IL17RC: variants seen among roughly 807,000 people sequenced by gnomAD.
IL17RC encodes interleukin 17 receptor C.
Under a neutral mutation model 86.7 loss-of-function variants are expected in IL17RC, and 53 were observed. That is an observed-to-expected ratio of 0.61 (90% CI 0.49 to 0.77). The LOEUF (loss-of-function observed/expected upper bound fraction) is 0.77. IL17RC is among the 30% of genes least tolerant of loss of function. The probability of loss-of-function intolerance (pLI) is 0.00; values close to 1 mark genes in which losing one functional copy is unlikely to be tolerated. For missense variants in IL17RC, 957 were observed against 940.0 expected (o/e 1.02, Z -0.24); for synonymous variants, 439 against 413.1 (o/e 1.06, Z -0.76).
Position 9,928,384 on chromosome 3 carries a change from G to A in IL17RC, c.957G>A (p.Pro319=), listed in dbSNP as rs200216570. 153 of 1,604,870 alleles carry A rather than the reference G, an allele frequency of 9.5e-5. No homozygotes were observed. In the East Asian group the frequency reaches 1.9e-3, roughly 20 times the overall value. The change falls in exon 11 of 19, where the codon CCG becomes CCA. Residue 319 remains proline, a synonymous_variant. Coordinates refer to ENST00000403601, the MANE Select transcript of IL17RC (RefSeq NM_153460.4). ...TGCAGAGCTGGCTGCTGGACGCACCGTGCTCGCTGCCCGCAGAAGCGGCAC... is the reference window on the plus strand; with the variant it reads ...TGCAGAGCTGGCTGCTGGACGCACCATGCTCGCTGCCCGCAGAAGCGGCAC... ...LTLQSWLLDA[P]CSLPAEAALC... is the part of the protein sequence containing the mutation.
chr3:9,928,209 C>G lies in IL17RC; in HGVS notation c.866C>G (p.Pro289Arg). The change falls in exon 10 of 19, where the codon CCC becomes CGC. Residue 289 changes from proline to arginine, a missense_variant. Physicochemically the swap from Pro to Arg is moderately radical, Grantham distance 103 (BLOSUM62 -2). Transcript: ENST00000403601. ...GACTCCGTTAGGACGAACATCTGCC[C>G]CTTCAGGGAGGGTGAGCCGACCGGC... is the stretch of plus-strand genomic sequence containing the variant. The part of the protein sequence containing the change: ...EPDSVRTNIC[P>R]FREDPRAHQN... 2 of 1,613,482 alleles carry G rather than the reference C, an allele frequency of 1.2e-6. No homozygotes were observed. The highest frequency in any genetic ancestry group is 1.7e-6 in the Non-Finnish European group (2 of 1,179,974).
In IL17RC at chr3:9,933,419, G is replaced by A. The variant is rs2084987240; in HGVS notation, c.1989G>A (p.Leu663=). 6.2e-7 allele frequency: 1 copy of A among 1,613,068 alleles called. No individual in the cohort carries two copies. The highest frequency in any genetic ancestry group is 1.3e-5 in the African/African-American group (1 of 74,922). ...FTLPSQLPDF[L]GALQQPRAPR... The stretch of plus-strand genomic sequence containing the variant: ...TGCCCTCCCAACTGCCAGACTTCCT[G>A]GGGGCCCTGCAGCAGCCTCGCGCCC... Residue 663 remains leucine (L), a synonymous_variant, in exon 19 of 19, where the codon CTG becomes CTA. Transcript: ENST00000403601.
chr3:9,925,217 G>A (rs942947725), intron 9 of IL17RC, among the ~76,000 whole-genome samples: 9 of 29,082 alleles, frequency 3.1e-4, no homozygotes, highest in Admixed American at 1.1e-3. Context: ...CTGGGTTCAC[G>A]CCATTCTCCT....
Position 9,917,357 on chromosome 3 carries a change from A to C in IL17RC, c.42A>C (p.Arg14=), listed in dbSNP as rs551367437. ...TCTTGCTGTCCTTGGCACTGGGCCG[A>C]AGCCCAGTGGTCCTTTCTCTGGAGA... The part of the protein sequence containing the change: ...PWFLLSLALG[R]SPVVLSLERL... The change falls in exon 1 of 19, where the codon CGA becomes CGC. Residue 14 remains arginine (R), a synonymous_variant. Coordinates refer to ENST00000403601, the MANE Select transcript of IL17RC (RefSeq NM_153460.4). The C allele has an allele frequency of 1.1e-4, 171 of 1,614,098 alleles. 3 individuals carry two copies. In the South Asian group the frequency reaches 1.8e-3, roughly 17 times the overall value.
chr3:9,917,269 G>GA lies in IL17RC; in HGVS notation c.-47_-46insA, dbSNP rs779864883. 6.7e-7 allele frequency: 1 copy of GA among 1,501,292 alleles called. No individual in the cohort carries two copies. Among genetic ancestry groups the GA allele is most frequent in the African/African-American group, 1.4e-5 (1 of 71,010 alleles). The allele number at this position is 1,501,292 out of a possible 1,614,324, so 93.0% of individuals were successfully genotyped here. On this transcript the variant is annotated 5_prime_UTR_variant, in exon 1 of 19. Transcript: ENST00000403601. ...CTGGGGTGTCTGCCCCCCTTGGGGG[G>GA]GGGCAGCACAGGGCCTCAGGCCTGG...
Position 9,928,381 on chromosome 3 carries a change from A to G in IL17RC, c.954A>G (p.Ala318=), listed in dbSNP as rs2084308891. The G allele has an allele frequency of 1.2e-6, 2 of 1,604,896 alleles. No homozygotes were observed. Among genetic ancestry groups the G allele is most frequent in the Admixed American group, 1.7e-5 (1 of 59,156 alleles). The change falls in exon 11 of 19, where the codon GCA becomes GCG. Residue 318 remains alanine, a synonymous_variant. Transcript: ENST00000403601. ...LLTLQSWLLD[A]PCSLPAEAAL... is the part of the protein sequence containing the mutation. ...CCCTGCAGAGCTGGCTGCTGGACGC[A>G]CCGTGCTCGCTGCCCGCAGAAGCGG... is the stretch of plus-strand genomic sequence containing the variant.
At position 9,930,764 on chromosome 3, in the gene IL17RC, C is replaced by T; in HGVS notation, c.1339-131C>T. 1.2e-6 allele frequency: 1 copy of T among 846,468 alleles called. No homozygotes were observed. The highest frequency in any genetic ancestry group is 2.1e-6 in the Non-Finnish European group (1 of 484,996). 52.4% of individuals were successfully genotyped at this position (846,468 alleles called of 1,614,324 possible). A position where few individuals can be genotyped will look rare whatever the true frequency, so the allele number is the denominator to read the frequency against. On this transcript the variant is annotated intron_variant, in intron 15 of 18. Coordinates refer to ENST00000403601, the MANE Select transcript of IL17RC (RefSeq NM_153460.4). This position sits in a 1 kb window ranked among gnomAD's most constrained non-coding sequence, Gnocchi z 5.8. Reference sequence around the variant, plus strand: ...CAGTGGGCACAGCACAAAGGCAGAGCAGCTGCAGGAACCTTAGCCGGGAGA... The same window carrying T: ...CAGTGGGCACAGCACAAAGGCAGAGTAGCTGCAGGAACCTTAGCCGGGAGA...
At chr3:9,921,316 A>T (rs1487499949) in intron 7 of IL17RC, among the ~76,000 whole-genome samples, 1 of 151,992 alleles carries the variant, frequency 6.6e-6, no homozygotes, top group Non-Finnish European at 1.5e-5. Context: ...TTAACAGGAC[A>T]TGGTGGTGTG....
Position 9,924,324 on chromosome 3 carries a change from G to A in IL17RC, c.822+33G>A, listed in dbSNP as rs761080430. 1.0e-5 allele frequency: 16 copies of A among 1,600,262 alleles called. No homozygotes were observed. The African/African-American group carries it at 1.5e-4, about 15-fold the overall frequency. On this transcript the variant is annotated intron_variant, in intron 9 of 18. Coordinates refer to ENST00000403601, the MANE Select transcript of IL17RC (RefSeq NM_153460.4). The stretch of plus-strand genomic sequence containing the variant: ...CAGAGTCTAGCTGGGTGCCAGAAGA[G>A]GAGTGGGAAGATGATGATGGGGGTG...
intron 1 of IL17RC, 36 bp from the exon 2 acceptor site, chr3:9,917,677 G>A: frequency 1.2e-6 from 2 of 1,613,818 alleles, no homozygotes; most frequent in East Asian, 4.5e-5. Context: ...AGATGGTGGG[G>A]GCACAAATTC....
rs2084045742 is a variant in IL17RC at position 9,926,107 on chromosome 3, C to G, written c.822+1816C>G. Among the ~76,000 whole-genome samples, 3 of 148,276 alleles carry G rather than the reference C, an allele frequency of 2.0e-5. No individual in the cohort carries two copies. In the South Asian group the frequency reaches 6.4e-4, roughly 32 times the overall value. ...GGAGTGCAGTGGCGTGATCTCGGCTCACTGCAACTTCCGCCTCCCAGGTTC... is the reference window on the plus strand; with the variant it reads ...GGAGTGCAGTGGCGTGATCTCGGCTGACTGCAACTTCCGCCTCCCAGGTTC... On this transcript the variant is annotated intron_variant, in intron 9 of 18. Coordinates refer to ENST00000403601, the MANE Select transcript of IL17RC (RefSeq NM_153460.4).
At chr3:9,921,471 C>CAAAACAAAACA (rs2083543002) in intron 7 of IL17RC, among the ~76,000 whole-genome samples, 1 of 151,520 alleles carries the variant, frequency 6.6e-6, no homozygotes, top group Non-Finnish European at 1.5e-5. Context: ...CAAAACAAAA[C>CAAAACAAAACA]AAAACAAAAA....
rs781031468 is a variant in IL17RC, at chr3:9,933,567, G to A, written c.2137G>A (p.Gly713Arg). 44 of 1,602,228 alleles carry A rather than the reference G, an allele frequency of 2.7e-5. No individual in the cohort carries two copies. The highest frequency in any genetic ancestry group is 1.1e-4 in the African/African-American group (8 of 74,674). The stretch of plus-strand genomic sequence containing the variant: ...GGGACGCGGGGTGGGACCAGGCGCG[G>A]GACCTGGGGCGGGGGACGGGACTTA... ...APGRGVGPGAGPGAGDGT is the reference protein window; with the variant it reads ...APGRGVGPGARPGAGDGT Residue 713 changes from glycine to arginine, a missense_variant, in exon 19 of 19, where the codon GGA becomes AGA. By Grantham distance (125) the Gly-to-Arg change is moderately radical. Coordinates refer to ENST00000403601, the MANE Select transcript of IL17RC (RefSeq NM_153460.4).
Position 9,924,030 on chromosome 3 carries a change from C to G in IL17RC, c.762+10C>G. The G allele has an allele frequency of 6.2e-7, 1 of 1,613,080 alleles. No homozygotes were observed. Among genetic ancestry groups the G allele is most frequent in the African/African-American group, 1.3e-5 (1 of 75,058 alleles). Reference sequence around the variant, plus strand: ...GTGGCACAAAAACCTGGTGAGGCCTCCCCCTTCCCAAGTCCATTCCCACTG... The same window carrying G: ...GTGGCACAAAAACCTGGTGAGGCCTGCCCCTTCCCAAGTCCATTCCCACTG... On this transcript the variant is annotated intron_variant, in intron 8 of 18. Transcript: ENST00000403601.
chr3:9,923,839 G>A lies in IL17RC; in HGVS notation c.623-42G>A, dbSNP rs747701462. On this transcript the variant is annotated intron_variant, in intron 7 of 18. Coordinates refer to ENST00000403601, the MANE Select transcript of IL17RC (RefSeq NM_153460.4). Reference sequence around the variant, plus strand: ...AGGGTCAGTCGGGGATGCAGAAGAGGTGAGGAAGTCTAAGCTGCGCTCTCT... The same window carrying A: ...AGGGTCAGTCGGGGATGCAGAAGAGATGAGGAAGTCTAAGCTGCGCTCTCT... 5 of 1,608,168 alleles carry A rather than the reference G, an allele frequency of 3.1e-6. No individual in the cohort carries two copies. In the South Asian group the frequency reaches 5.5e-5, roughly 18 times the overall value.
At chr3:9,932,501 T>C in intron 16 of IL17RC, 107 bp from the exon 17 acceptor site, 1 of 1,016,956 alleles carries the variant, frequency 9.8e-7, no homozygotes, top group South Asian at 1.3e-5. Context: ...GCTGGGATTA[T>C]ATAAAGGCAT....
intron 9 of IL17RC, among the ~76,000 whole-genome samples, chr3:9,925,785 TC>T (rs2084007311): frequency 6.6e-6 from 1 of 151,910 alleles, no homozygotes; most frequent in African/African-American, 2.4e-5. Context: ...CCACCCGGCC[TC>T]TCCTAGCTCC....
Position 9,920,920 on chromosome 3 carries a change from C to A in IL17RC, c.578-5C>A, listed in dbSNP as rs776099209. On this transcript the variant is annotated splice_region_variant and splice_polypyrimidine_tract_variant and intron_variant, in intron 6 of 18. Transcript: ENST00000403601. ...ACTGGAGGCTCTTCTGTGATCTCTCCTCAGACTGCAGGGGGCTCGAAGTCT... is the reference window on the plus strand; with the variant it reads ...ACTGGAGGCTCTTCTGTGATCTCTCATCAGACTGCAGGGGGCTCGAAGTCT... 3.7e-6 allele frequency: 6 copies of A among 1,609,574 alleles called. No individual in the cohort carries two copies. The South Asian group carries it at 6.7e-5, about 18-fold the overall frequency.
Position 9,930,051 on chromosome 3 carries a change from G to A in IL17RC, c.1180G>A (p.Asp394Asn), listed in dbSNP as rs764451235. ...WADSLGPLKD[D>N]VLLLETRGPQ... is the part of the protein sequence containing the mutation. ...AGACTCCCTGGGGCCTCTCAAAGAC[G>A]ATGTGCTACTGTTGGAGACACGAGG... Residue 394 changes from aspartate to asparagine, a missense_variant, in exon 14 of 19, where the codon GAT (aspartate) becomes AAT (asparagine). Physicochemically the swap from Asp to Asn is conservative, Grantham distance 23. Transcript: ENST00000403601. The surrounding 1 kb of genome is among the most constrained non-coding windows in gnomAD (Gnocchi z 5.8). 1.3e-5 allele frequency: 21 copies of A among 1,613,956 alleles called. No homozygotes were observed. Among genetic ancestry groups the A allele is most frequent in the Admixed American group, 1.7e-5 (1 of 59,994 alleles).
Sources: allele counts gnomAD v4.1 joint callset (sites outside exome capture counted in the v4.1 genomes callset), GRCh38; gene constraint gnomAD v4.1.1; non-coding constraint Gnocchi (gnomAD v3.1); transcripts MANE v1.5; gene names NCBI Gene and HGNC (gene_info 2026-07-23, HGNC 2026-07-21).